VPS13D: variants seen among roughly 807,000 people sequenced by gnomAD.
The protein encoded by VPS13D is intermembrane lipid transfer protein VPS13D.
VPS13D carries 187 observed loss-of-function variants against 461.9 expected under a neutral mutation model. The observed-to-expected ratio is 0.40, with a 90% CI of 0.36 to 0.46. VPS13D has a LOEUF of 0.46. Among genes scored for constraint, VPS13D ranks in the 20% least tolerant of loss-of-function variants. VPS13D has a pLI of 0.60. For missense variants in VPS13D, 4,711 were observed against 5,364.9 expected, an observed-to-expected ratio of 0.88 and a Z score of 3.81; for synonymous variants, 1,951 against 1,986.3, an observed-to-expected ratio of 0.98 and a Z score of 0.47.
In VPS13D at chr1:12,276,737, C is replaced by T; in HGVS notation, c.3149C>T (p.Ala1050Val). 6.2e-7 allele frequency: 1 copy of T among 1,614,106 alleles called. No individual in the cohort carries two copies. Among genetic ancestry groups the T allele is most frequent in the Non-Finnish European group, 8.5e-7 (1 of 1,180,026 alleles). The change falls in exon 19 of 70, where the codon GCC becomes GTC. Residue 1050 changes from alanine to valine, a missense_variant. Coordinates refer to ENST00000620676, the MANE Select transcript of VPS13D (RefSeq NM_015378.4). The surrounding 1 kb of genome is among the most constrained non-coding windows in gnomAD (Gnocchi z 4.5). ...TCTCCTGTCTCTGGACCGAATGTGGCCCACTTAACTGATGGAGCTACACTG... is the reference window on the plus strand; with the variant it reads ...TCTCCTGTCTCTGGACCGAATGTGGTCCACTTAACTGATGGAGCTACACTG... ...AQSPVSGPNV[A>V]HLTDGATLND...
chr1:12,310,400 G>C (rs1642699948), intron 27 of VPS13D, among the ~76,000 whole-genome samples: 1 of 152,100 alleles, frequency 6.6e-6, no homozygotes, highest in Admixed American at 6.5e-5. Flanking sequence ...TCTATACTTA[G>C]AGCATAGTGT....
At position 12,268,922 on chromosome 1, in the gene VPS13D, T is replaced by A. The variant is rs745377790; in HGVS notation, c.1972+46T>A. The A allele has an allele frequency of 3.8e-6, 6 of 1,577,616 alleles. No homozygotes were observed. In the Admixed American group the frequency reaches 5.6e-5, roughly 15 times the overall value. On this transcript the variant is annotated intron_variant, in intron 16 of 69. Transcript: ENST00000620676. ...GATCTTATGTTCCTTTTGAAAAACA[T>A]CTTTATTGTTATTTCTGGTGTTCTG...
intron 65 of VPS13D, among the ~76,000 whole-genome samples, chr1:12,438,387 T>C (rs927446618): frequency 2.0e-5 from 3 of 152,220 alleles, no homozygotes; most frequent in Admixed American, 2.0e-4. Context: ...CCGAATCTGC[T>C]GTCACCTTGA....
In VPS13D at chr1:12,283,527, A is replaced by G. The variant is rs1181824240; in HGVS notation, c.5425A>G (p.Ser1809Gly). Reference protein sequence around the residue: ...FSSSYNRVNRSIDVDFNCLDV... With the variant: ...FSSSYNRVNRGIDVDFNCLDV... ...TTCCAGTTACAATCGAGTTAACCGG[A>G]GCATTGATGTTGATTTTAATTGCTT... The change falls in exon 21 of 70, where the codon AGC becomes GGC. Residue 1809 changes from serine to glycine, a missense_variant. By Grantham distance (56) the Ser-to-Gly change is moderately conservative (BLOSUM62 0). Coordinates refer to ENST00000620676, the MANE Select transcript of VPS13D (RefSeq NM_015378.4). 1 of 1,614,240 alleles carries G rather than the reference A, an allele frequency of 6.2e-7. No homozygotes were observed. Among genetic ancestry groups the G allele is most frequent in the South Asian group, 1.1e-5 (1 of 91,086 alleles).
At chr1:12,264,715 A>G (rs235208) in intron 13 of VPS13D, among the ~76,000 whole-genome samples, 11,598 of 152,284 alleles carry the variant, frequency 0.076, 739 homozygotes, top group African/African-American at 0.16. Context: ...CCATAACATA[A>G]AAGTGCAAGG....
chr1:12,377,043 GTTT>G (rs990866173), intron 55 of VPS13D, among the ~76,000 whole-genome samples: 1 of 151,606 alleles, frequency 6.6e-6, no homozygotes, highest in Admixed American at 6.6e-5. Context: ...CAGTAAATGA[GTTT>G]TTTTCTTTTT....
intron 42 of VPS13D, among the ~76,000 whole-genome samples, chr1:12,343,326 C>T (rs977832166): frequency 1.3e-5 from 2 of 151,948 alleles, no homozygotes; most frequent in African/African-American, 4.8e-5. Context: ...AGGGATGCTC[C>T]ACCACACCTG....
intron 65 of VPS13D, among the ~76,000 whole-genome samples, chr1:12,441,087 G>C (rs181598851): frequency 1.9e-4 from 29 of 151,926 alleles, no homozygotes; most frequent in African/African-American, 5.3e-4. Context: ...CACCATGCCC[G>C]GCTAATTTTT....
chr1:12,407,557 C>T lies in VPS13D; in HGVS notation c.12030+3584C>T, dbSNP rs920786495. On this transcript the variant is annotated intron_variant, in intron 63 of 69. Transcript: ENST00000620676. ...TATTTGATTAGTCATTTAGTTACTA[C>T]AAGAATAAGCCCTGTTTGGCTCGTT... 5.9e-5 allele frequency among the ~76,000 whole-genome samples: 9 copies of T among 152,254 alleles called. 1 individual carries two copies. In the Middle Eastern group the frequency reaches 0.01, roughly 173 times the overall value.
At chr1:12,283,856 A>G (rs769139227) in intron 21 of VPS13D, 120 bp downstream of exon 21, 13 of 1,066,948 alleles carry the variant, frequency 1.2e-5, no homozygotes, top group South Asian at 1.7e-5. Flanking sequence ...GGAGCTATCT[A>G]GTCTTCTAGG....
intron 25 of VPS13D, among the ~76,000 whole-genome samples, chr1:12,304,150 A>G (rs970552126): frequency 2.0e-5 from 3 of 152,242 alleles, no homozygotes; most frequent in Non-Finnish European, 4.4e-5. Context: ...ACAAACTGTC[A>G]TATAGCTGAG....
In VPS13D at chr1:12,401,616, G is replaced by A. The variant is rs372042881; in HGVS notation, c.11793G>A (p.Met3931Ile). ...SALTNIYKHL[M>I]ITAQRFTVQI... is the part of the protein sequence containing the mutation. Reference sequence around the variant, plus strand: ...AATTTCTTTATCTCTAGCATCTGATGATCACAGCTCAGAGATTCACAGTGC... The same window carrying A: ...AATTTCTTTATCTCTAGCATCTGATAATCACAGCTCAGAGATTCACAGTGC... The change falls in exon 62 of 70, where the codon ATG (methionine) becomes ATA (isoleucine). Residue 3931 changes from methionine (M) to isoleucine (I), a missense_variant. By Grantham distance (10) the Met-to-Ile change is conservative. Around this residue, in one of 3 missense-constraint regions of VPS13D, gnomAD observed 4,411 missense variants for 4,937.8 expected, o/e 0.89. Coordinates refer to ENST00000620676, the MANE Select transcript of VPS13D (RefSeq NM_015378.4). The A allele has an allele frequency of 6.2e-7, 1 of 1,610,146 alleles. No homozygotes were observed.
chr1:12,355,477 T>C (rs1199209065), intron 47 of VPS13D, among the ~76,000 whole-genome samples: 1 of 152,232 alleles, frequency 6.6e-6, no homozygotes. Flanking sequence ...ATGAAAATGC[T>C]AAATACCCTA....
chr1:12,449,074 G>T (rs560121946), intron 65 of VPS13D, among the ~76,000 whole-genome samples: 5 of 151,992 alleles, frequency 3.3e-5, no homozygotes, highest in African/African-American at 1.2e-4. Flanking sequence ...GTGTTTATCC[G>T]TGAAATAGCA....
intron 33 of VPS13D, among the ~76,000 whole-genome samples, chr1:12,322,288 G>T (rs549127542): frequency 1.3e-5 from 2 of 152,052 alleles, no homozygotes; most frequent in African/African-American, 4.8e-5. Flanking sequence ...GGATGGTCTC[G>T]ATCTCCTCAC....
chr1:12,261,992 G>C lies in VPS13D; in HGVS notation c.1506G>C (p.Gln502His), dbSNP rs781471070. ...ATGTCTTTGCCAAACTGAATTTGCA[G>C]TTGCAGCGAGGTACAGTGACTCTGT... ...RDHVFAKLNL[Q>H]LQRGTVTLLH... Residue 502 changes from glutamine to histidine, a missense_variant, in exon 13 of 70, where the codon CAG becomes CAC. Coordinates refer to ENST00000620676, the MANE Select transcript of VPS13D (RefSeq NM_015378.4). 1 of 1,614,160 alleles carries C rather than the reference G, an allele frequency of 6.2e-7. No individual in the cohort carries two copies. Among genetic ancestry groups the C allele is most frequent in the East Asian group, 2.2e-5 (1 of 44,880 alleles).
intron 36 of VPS13D, 41 bp from the exon 37 acceptor site, chr1:12,329,788 C>T: frequency 1.3e-6 from 2 of 1,572,900 alleles, no homozygotes; most frequent in South Asian, 2.2e-5. Context: ...GTTTTGGTTG[C>T]TCCTGCCCTG....
intron 29 of VPS13D, 71 bp downstream of exon 29, chr1:12,311,996 C>T: frequency 7.5e-7 from 1 of 1,326,232 alleles, no homozygotes. Flanking sequence ...TGCATTGACA[C>T]AGAGCAGAGG....
At chr1:12,432,613 T>C (rs937872174) in intron 65 of VPS13D, among the ~76,000 whole-genome samples, 2 of 151,536 alleles carry the variant, frequency 1.3e-5, no homozygotes, top group Non-Finnish European at 2.9e-5. Context: ...CTTTCCCTTT[T>C]TTTTTTTTTT....
Sources: allele counts gnomAD v4.1 joint callset (sites outside exome capture counted in the v4.1 genomes callset), GRCh38; gene constraint gnomAD v4.1.1; regional missense constraint gnomAD v4.1.1; non-coding constraint Gnocchi (gnomAD v3.1); transcripts MANE v1.5; gene names NCBI Gene and HGNC (gene_info 2026-07-23, HGNC 2026-07-21).